Variants in GPR139 observed in about 807,000 individuals in gnomAD.
The protein encoded by GPR139 is G protein-coupled receptor 139, also known as probable G protein-coupled receptor 139.
GPR139 carries 12 observed loss-of-function variants against 25.8 expected under a neutral mutation model. The ratio of observed to expected loss-of-function variants is 0.47; its 90% CI spans 0.30 to 0.75. The LOEUF (loss-of-function observed/expected upper bound fraction) is 0.75. Ranked by LOEUF, GPR139 falls within the 30% of genes least tolerant of loss-of-function variation. GPR139 has a pLI of 0.07. For synonymous variants in GPR139, 184 were observed against 179.9 expected, an observed-to-expected ratio of 1.02 and a Z score of -0.18; for missense variants, 380 against 450.2, an observed-to-expected ratio of 0.84 and a Z score of 1.41.
At chr16:20,049,521 T>C (rs113200794) in intron 1 of GPR139, among the ~76,000 whole-genome samples, 1 of 152,352 alleles carries the variant, frequency 6.6e-6, no homozygotes, top group Admixed American at 6.5e-5. Flanking sequence ...TTAAGAAGAC[T>C]GAGTAATTTA....
At chr16:20,047,702 G>T (rs1349965157) in intron 1 of GPR139, among the ~76,000 whole-genome samples, 1 of 151,218 alleles carries the variant, frequency 6.6e-6, no homozygotes, top group African/African-American at 2.4e-5. Context: ...CCACTTTAAG[G>T]ATTTAGAAGG....
chr16:20,057,566 C>T (rs2057394274), intron 1 of GPR139, among the ~76,000 whole-genome samples: 1 of 151,574 alleles, frequency 6.6e-6, no homozygotes. Flanking sequence ...CCCTCCCTCC[C>T]TTCCTCCATC....
At chr16:20,058,071 A>T (rs1230175461) in intron 1 of GPR139, among the ~76,000 whole-genome samples, 2 of 152,182 alleles carry the variant, frequency 1.3e-5, no homozygotes, top group Non-Finnish European at 2.9e-5. Flanking sequence ...GTCAGTTTTT[A>T]AAAAAGGAAC....
At chr16:20,046,672 C>A (rs1041266020) in intron 1 of GPR139, among the ~76,000 whole-genome samples, 1 of 152,096 alleles carries the variant, frequency 6.6e-6, no homozygotes, top group East Asian at 1.9e-4. Context: ...CGAGGGAAGG[C>A]TTCAGAGAAA....
intron 1 of GPR139, among the ~76,000 whole-genome samples, chr16:20,060,663 A>G (rs779449658): frequency 7.2e-5 from 11 of 152,200 alleles, no homozygotes; most frequent in Non-Finnish European, 1.5e-4. Flanking sequence ...TACTCTGTAT[A>G]ATGTATTGTC....
At chr16:20,041,516 C>T (rs898021376) in intron 1 of GPR139, among the ~76,000 whole-genome samples, 1 of 151,846 alleles carries the variant, frequency 6.6e-6, no homozygotes, top group Non-Finnish European at 1.5e-5. Context: ...TGGTGGCTGC[C>T]ACCTCCCTCA....
chr16:20,059,987 A>C (rs1179324228), intron 1 of GPR139, among the ~76,000 whole-genome samples: 3 of 152,168 alleles, frequency 2.0e-5, no homozygotes, highest in Non-Finnish European at 4.4e-5. Flanking sequence ...TGTGAGGGTC[A>C]GGAGTGTGGG....
chr16:20,065,068 A>C (rs900896544), intron 1 of GPR139, among the ~76,000 whole-genome samples: 25 of 147,958 alleles, frequency 1.7e-4, no homozygotes, highest in African/African-American at 6.0e-4. Context: ...TTTTTTCTCC[A>C]CTTGCTGTGA....
At chr16:20,065,362 A>G (rs918872990) in intron 1 of GPR139, among the ~76,000 whole-genome samples, 17 of 152,226 alleles carry the variant, frequency 1.1e-4, no homozygotes, top group African/African-American at 3.9e-4. Flanking sequence ...CTCAGTCCCT[A>G]TCTTTCCTGT....
chr16:20,068,971 C>T (rs930926973), intron 1 of GPR139, among the ~76,000 whole-genome samples: 8 of 151,614 alleles, frequency 5.3e-5, no homozygotes, highest in African/African-American at 1.9e-4. Context: ...GGGATAAACT[C>T]AAGTTGATTC....
chr16:20,052,435 AT>A (rs2057375470), intron 1 of GPR139, among the ~76,000 whole-genome samples: 1 of 152,200 alleles, frequency 6.6e-6, no homozygotes, highest in Admixed American at 6.5e-5. Context: ...CATAGTGATG[AT>A]GCTGCTGCTG....
In GPR139 at chr16:20,031,798, G is replaced by T; in HGVS notation, c.999C>A (p.His333Gln). 6.2e-7 allele frequency: 1 copy of T among 1,614,244 alleles called. No homozygotes were observed. Among genetic ancestry groups the T allele is most frequent in the Non-Finnish European group, 8.5e-7 (1 of 1,180,046 alleles). ...SSPWISPANS[H>Q]CIKMLVYQYD... ...ACTGGTACACCAGCATCTTGATGCAGTGTGAGTTTGCCGGCGAGATCCAGG... is the reference window on the plus strand; with the variant it reads ...ACTGGTACACCAGCATCTTGATGCATTGTGAGTTTGCCGGCGAGATCCAGG... The change falls in exon 2 of 2, where the codon CAC (histidine) becomes CAA (glutamine). Residue 333 changes from histidine (H) to glutamine (Q), a missense_variant. His to Gln is a conservative substitution (Grantham distance 24). Coordinates refer to ENST00000570682, the MANE Select transcript of GPR139 (RefSeq NM_001002911.4).
chr16:20,033,483 TGAA>T (rs1339766602), intron 1 of GPR139, among the ~76,000 whole-genome samples: 11 of 152,156 alleles, frequency 7.2e-5, no homozygotes, highest in African/African-American at 2.4e-4. Context: ...TTCAGTTGCA[TGAA>T]GAATATGGGG....
chr16:20,043,557 G>T (rs946211969), intron 1 of GPR139, among the ~76,000 whole-genome samples: 2 of 152,178 alleles, frequency 1.3e-5, no homozygotes, highest in African/African-American at 2.4e-5. Flanking sequence ...ATATAATAAG[G>T]TCAGTTTATT....
chr16:20,064,550 A>G (rs183331518), intron 1 of GPR139, among the ~76,000 whole-genome samples: 1 of 152,332 alleles, frequency 6.6e-6, no homozygotes, highest in East Asian at 1.9e-4. Flanking sequence ...TCAAACAACA[A>G]CAACAAAAGT....
In GPR139 at chr16:20,073,673, G is replaced by C. The variant is rs1489004352; in HGVS notation, c.-57C>G. 2 of 1,493,954 alleles carry C rather than the reference G, an allele frequency of 1.3e-6. No homozygotes were observed. 92.5% of individuals were successfully genotyped at this position (1,493,954 alleles called of 1,614,324 possible). On this transcript the variant is annotated 5_prime_UTR_variant, in exon 1 of 2. Transcript: ENST00000570682. This position sits in a 1 kb window ranked among gnomAD's most constrained non-coding sequence, Gnocchi z 4.7. ...CGCCCGGCCTGCCAGCCCGACTCTG[G>C]TCGCCGGCTCGGTGGTGGCGGCGGC...
chr16:20,061,615 A>G (rs1170967306), intron 1 of GPR139, among the ~76,000 whole-genome samples: 1 of 152,272 alleles, frequency 6.6e-6, no homozygotes, highest in Non-Finnish European at 1.5e-5. Flanking sequence ...GCAGTCCAGC[A>G]GGTCATGACC....
rs558212994 is a variant in GPR139 at position 20,070,038 on chromosome 16, G to C, written c.127+3452C>G. 2.6e-5 allele frequency among the ~76,000 whole-genome samples: 4 copies of C among 152,390 alleles called. No individual in the cohort carries two copies. The South Asian group carries it at 8.3e-4, about 32-fold the overall frequency. ...CCACAGAGCACAGAAAGGAGGGACA[G>C]AGGTTAGTTCAAACAACTGCCTGGC... On this transcript the variant is annotated intron_variant, in intron 1 of 1. Coordinates refer to ENST00000570682, the MANE Select transcript of GPR139 (RefSeq NM_001002911.4).
intron 1 of GPR139, among the ~76,000 whole-genome samples, chr16:20,046,090 A>G (rs550159656): frequency 5.2e-4 from 79 of 152,242 alleles, no homozygotes; most frequent in Admixed American, 1.5e-3. Flanking sequence ...GCTTCTCCCA[A>G]TGGCTGCCAG....
Sources: allele counts gnomAD v4.1 joint callset (sites outside exome capture counted in the v4.1 genomes callset), GRCh38; gene constraint gnomAD v4.1.1; non-coding constraint Gnocchi (gnomAD v3.1); transcripts MANE v1.5; gene names NCBI Gene and HGNC (gene_info 2026-07-23, HGNC 2026-07-21).